The following TAPBPL variants were observed in gnomAD, a reference collection of about 807,000 sequenced individuals.
TAPBPL encodes TAP binding protein like, also known as tapasin-related protein.
TAPBPL carries 32 observed loss-of-function variants against 44.8 expected under a neutral mutation model. The observed-to-expected ratio is 0.71, with a 90% confidence interval of 0.54 to 0.96. TAPBPL has a LOEUF of 0.96. Ranked by LOEUF, TAPBPL falls within the 40% of genes least tolerant of loss-of-function variation. TAPBPL has a pLI of 0.00. For missense variants in TAPBPL, 520 were observed against 586.6 expected (o/e 0.89, Z 1.17); for synonymous variants, 230 against 240.7 (o/e 0.96, Z 0.41).
chr12:6,459,760 A>G (rs567537124), intron 5 of TAPBPL, among the ~76,000 whole-genome samples: 3,164 of 110,484 alleles, frequency 0.029, 48 homozygotes, highest in African/African-American at 0.069. Context: ...TTATTTATTT[A>G]TTTATTTTAT....
chr12:6,465,452 ATAT>A (rs1949996941), downstream of TAPBPL: 3 of 131,746 alleles, frequency 2.3e-5, 1 homozygote, highest in African/African-American at 1.1e-4. Flanking sequence ...GTATATATAC[ATAT>A]GTGTATATAT....
Position 6,453,777 on chromosome 12 carries a change from G to A in TAPBPL, c.565+61G>A. 6.7e-7 allele frequency: 1 copy of A among 1,485,730 alleles called. No individual in the cohort carries two copies. The allele number at this position is 1,485,730 out of a possible 1,614,324, so 92.0% of individuals were successfully genotyped here. On this transcript the variant is annotated intron_variant, in intron 3 of 6. Transcript: ENST00000266556. The surrounding 1 kb of genome is among the most constrained non-coding windows in gnomAD (Gnocchi z 4.8). ...TCACGCCTGTAATTCCAGAATTTTG[G>A]GATACCGAGGTCGGTGGATCACCTG...
downstream of TAPBPL, chr12:6,470,676 C>T: frequency 9.7e-7 from 1 of 1,028,906 alleles, no homozygotes; most frequent in Non-Finnish European, 1.5e-6. Flanking sequence ...CTGGAACTTA[C>T]TGCAGCTGCC....
chr12:6,463,535 G>T (rs1423396028), downstream of TAPBPL: 1 of 1,047,588 alleles, frequency 9.5e-7, no homozygotes, highest in Non-Finnish European at 1.2e-6. This position sits in a 1 kb window ranked among gnomAD's most constrained non-coding sequence, Gnocchi z 4.0. Flanking sequence ...CTTTAACGAG[G>T]GCAAGGAGTG....
chr12:6,469,440 C>T (rs535407574), downstream of TAPBPL, among the ~76,000 whole-genome samples: 2 of 152,306 alleles, frequency 1.3e-5, no homozygotes, highest in South Asian at 4.1e-4. Flanking sequence ...TGGAATTCTA[C>T]GGCTTGCCCA....
In TAPBPL at chr12:6,452,045, C is replaced by A; in HGVS notation, c.-204C>A. ...GCAGGGCTCTGGCAGCTGCTGCAGA[C>A]GGCTTCACACAGGGACGCGGGCTGC... On this transcript the variant is annotated 5_prime_UTR_variant, in exon 1 of 7. Coordinates refer to ENST00000266556, the MANE Select transcript of TAPBPL (RefSeq NM_018009.5). The A allele has an allele frequency of 1.6e-6, 1 of 616,502 alleles. No homozygotes were observed. Among genetic ancestry groups the A allele is most frequent in the Non-Finnish European group, 2.9e-6 (1 of 344,178 alleles). 38.2% of individuals were successfully genotyped at this position (616,502 alleles called of 1,614,324 possible).
chr12:6,470,634 C>G, downstream of TAPBPL: 1 of 1,516,328 alleles, frequency 6.6e-7, no homozygotes, highest in Non-Finnish European at 9.1e-7. Flanking sequence ...CCAAGCTCCG[C>G]CTCGCGCCGA....
rs780521278 is a variant in TAPBPL, at chr12:6,458,712, T to G, written c.972T>G (p.Ala324=). 1 of 1,614,200 alleles carries G rather than the reference T, an allele frequency of 6.2e-7. No individual in the cohort carries two copies. The highest frequency in any genetic ancestry group is 8.5e-7 in the Non-Finnish European group (1 of 1,180,036). Residue 324 remains alanine (A), a synonymous_variant, in exon 5 of 7, where the codon GCT becomes GCG. Transcript: ENST00000266556. The part of the protein sequence containing the change: ...ALLPTLICDI[A]GYYPLDVVVT... Reference sequence around the variant, plus strand: ...TGCCCACCCTCATCTGCGACATTGCTGGCTATTACCCTCTGGATGTGGTGG... The same window carrying G: ...TGCCCACCCTCATCTGCGACATTGCGGGCTATTACCCTCTGGATGTGGTGG...
chr12:6,461,460 C>T, intron 6 of TAPBPL: 2 of 997,532 alleles, frequency 2.0e-6, no homozygotes, highest in African/African-American at 3.5e-5. Context: ...GACAATGAGG[C>T]ATGGGTTGGG....
At chr12:6,462,952 C>G, downstream of TAPBPL, 2 of 1,554,134 alleles carry the variant, frequency 1.3e-6, no homozygotes, top group Non-Finnish European at 1.7e-6. Flanking sequence ...CCCTGCCCAG[C>G]ATGGCCTCAG....
downstream of TAPBPL, chr12:6,465,084 AG>A: frequency 1.7e-6 from 2 of 1,198,110 alleles, no homozygotes; most frequent in Non-Finnish European, 2.3e-6. Flanking sequence ...CAGGCCTCTT[AG>A]AGAGGCCCTA....
At position 6,458,930 on chromosome 12, in the gene TAPBPL, C is replaced by A. The variant is rs779097924; in HGVS notation, c.1190C>A (p.Thr397Asn). 2 of 1,613,768 alleles carry A rather than the reference C, an allele frequency of 1.2e-6. No individual in the cohort carries two copies. Among genetic ancestry groups the A allele is most frequent in the South Asian group, 1.1e-5 (1 of 91,080 alleles). The change falls in exon 5 of 7, where the codon ACC becomes AAC. Residue 397 changes from threonine (T) to asparagine (N), a missense_variant. Transcript: ENST00000266556. The stretch of plus-strand genomic sequence containing the variant: ...CTGGAGGAGCCCCTTGGGGCCAGCA[C>A]CCAGGTTGTCCCACCAGGTACTGGG... ...ISLEEPLGAS[T>N]QVVPPERRTA...
chr12:6,461,812 G>A lies in TAPBPL; in HGVS notation c.1292-222G>A, dbSNP rs997823327. Among the ~76,000 whole-genome samples the A allele has an allele frequency of 3.3e-5, 5 of 152,286 alleles. No individual in the cohort carries two copies. In the South Asian group the frequency reaches 8.3e-4, roughly 25 times the overall value. ...CTAAAATGTGCCTAATCAATACGGT[G>A]GAACTCAGCATACCAAAACTGTACG... is the stretch of plus-strand genomic sequence containing the variant. On this transcript the variant is annotated intron_variant, in intron 6 of 6. Coordinates refer to ENST00000266556, the MANE Select transcript of TAPBPL (RefSeq NM_018009.5).
downstream of TAPBPL, among the ~76,000 whole-genome samples, chr12:6,468,937 T>A (rs1172150472): frequency 3.3e-5 from 5 of 152,004 alleles, no homozygotes; most frequent in Admixed American, 3.3e-4. Flanking sequence ...AGTCCAAGAG[T>A]AAATGCAACA....
downstream of TAPBPL, among the ~76,000 whole-genome samples, chr12:6,467,769 G>A (rs1004452306): frequency 6.6e-6 from 1 of 152,206 alleles, no homozygotes; most frequent in African/African-American, 2.4e-5. Flanking sequence ...GGGTCCCCAT[G>A]CTGTGTGCAG....
intron 5 of TAPBPL, among the ~76,000 whole-genome samples, chr12:6,460,411 G>A (rs1360184541): frequency 1.1e-4 from 16 of 151,974 alleles, no homozygotes; most frequent in Admixed American, 1.0e-3. Context: ...GACCACAGGC[G>A]CACACCAACA....
At chr12:6,451,788 A>G (rs1236571161), upstream of TAPBPL, 3 of 274,954 alleles carry the variant, frequency 1.1e-5, no homozygotes, top group Non-Finnish European at 2.1e-5. Context: ...GGCTCAGGTC[A>G]GGATCTGGCA....
chr12:6,465,817 T>G (rs775783616), downstream of TAPBPL: 1 of 1,612,396 alleles, frequency 6.2e-7, no homozygotes, highest in East Asian at 2.2e-5. Flanking sequence ...CAGGAAAAGA[T>G]GGAGGAGGGG....
chr12:6,465,466 A>AGTGT (rs72418260), downstream of TAPBPL: 854 of 103,272 alleles, frequency 8.3e-3, 64 homozygotes, highest in South Asian at 0.041. Flanking sequence ...GTGTATATAT[A>AGTGT]GTGTGTGTGT....
Sources: allele counts gnomAD v4.1 joint callset (sites outside exome capture counted in the v4.1 genomes callset), GRCh38; gene constraint gnomAD v4.1.1; non-coding constraint Gnocchi (gnomAD v3.1); transcripts MANE v1.5; gene names NCBI Gene and HGNC (gene_info 2026-07-23, HGNC 2026-07-21).